Variants in SCML4 observed in about 807,000 individuals in gnomAD.
The protein encoded by SCML4 is sex comb on midleg-like protein 4.
In SCML4, 34 loss-of-function variants were observed where a neutral mutation model predicts 41.1. The observed-to-expected ratio is 0.83, with a 90% CI of 0.63 to 1.10. The LOEUF is 1.10. Among genes scored for constraint, SCML4 ranks in the 50% least tolerant of loss-of-function variants. The probability of loss-of-function intolerance (pLI) is 0.00; values close to 1 mark genes in which losing one functional copy is unlikely to be tolerated. For synonymous variants in SCML4, 214 were observed against 220.9 expected, an observed-to-expected ratio of 0.97 and a Z score of 0.28; for missense variants, 522 against 534.1, an observed-to-expected ratio of 0.98 and a Z score of 0.22.
intron 1 of SCML4, among the ~76,000 whole-genome samples, chr6:107,776,260 G>A (rs9486688): frequency 0.011 from 1,691 of 152,224 alleles, 35 homozygotes; most frequent in African/African-American, 0.039. Flanking sequence ...ACAACAAAAG[G>A]TTAATACAAA....
At chr6:107,844,660 G>A in the SCML4 span, among the ~76,000 whole-genome samples, 1 of 151,938 alleles carries the variant, frequency 6.6e-6, no homozygotes, top group Non-Finnish European at 1.5e-5. Flanking sequence ...TAGTCCCAGT[G>A]GGGAAGGGGT....
intron 1 of SCML4, among the ~76,000 whole-genome samples, chr6:107,777,005 A>G (rs1781007103): frequency 6.6e-6 from 1 of 152,240 alleles, no homozygotes; most frequent in Admixed American, 6.5e-5. Flanking sequence ...TTAAGCATAA[A>G]AAGGTCTGGG....
At chr6:107,721,762 C>T (rs577874608) in intron 5 of SCML4, among the ~76,000 whole-genome samples, 1 of 152,238 alleles carries the variant, frequency 6.6e-6, no homozygotes, top group East Asian at 1.9e-4. Context: ...AGTGCTTTCT[C>T]CCCACACCTT....
chr6:107,737,409 T>C (rs1777180523), intron 5 of SCML4, among the ~76,000 whole-genome samples: 1 of 152,180 alleles, frequency 6.6e-6, no homozygotes, highest in Non-Finnish European at 1.5e-5. Flanking sequence ...CTTTCTCCCC[T>C]GGATTTATAC....
intron 5 of SCML4, among the ~76,000 whole-genome samples, chr6:107,722,258 T>C (rs1775506370): frequency 6.6e-6 from 1 of 152,192 alleles, no homozygotes; most frequent in South Asian, 2.1e-4. Context: ...ATTACAGTCC[T>C]ATACTTTTAA....
intron 5 of SCML4, among the ~76,000 whole-genome samples, chr6:107,725,701 G>A (rs1439886082): frequency 1.3e-5 from 2 of 152,102 alleles, no homozygotes; most frequent in Non-Finnish European, 2.9e-5. Flanking sequence ...TGTGACCTTG[G>A]ATTTGGCAAA....
chr6:107,737,002 T>A (rs994545646), intron 5 of SCML4, among the ~76,000 whole-genome samples: 10 of 152,260 alleles, frequency 6.6e-5, no homozygotes, highest in African/African-American at 2.2e-4. Context: ...AAATTAGATC[T>A]TGCAGAATAG....
At chr6:107,720,103 C>T in intron 6 of SCML4, 1 of 985,368 alleles carries the variant, frequency 1.0e-6, no homozygotes, top group Middle Eastern at 5.2e-4. Flanking sequence ...GAAGGTGACA[C>T]TTCCTATGCA....
intron 5 of SCML4, among the ~76,000 whole-genome samples, chr6:107,731,303 A>T (rs927235532): frequency 6.6e-6 from 1 of 152,220 alleles, no homozygotes; most frequent in Non-Finnish European, 1.5e-5. Context: ...TTTTATTTTT[A>T]AAAACTAAAC....
At chr6:107,706,946 AC>A (rs1223740873) in intron 7 of SCML4, among the ~76,000 whole-genome samples, 1 of 152,170 alleles carries the variant, frequency 6.6e-6, no homozygotes, top group Non-Finnish European at 1.5e-5. Flanking sequence ...GCCCACTGAG[AC>A]CCATGCCAGG....
chr6:107,831,410 T>TC, the SCML4 span, among the ~76,000 whole-genome samples: 3,217 of 15,206 alleles, frequency 0.21, 132 homozygotes, highest in East Asian at 0.47. Flanking sequence ...ATTTTCATTC[T>TC]CAAAAAAAAA....
chr6:107,760,241 C>T (rs1480337611), intron 2 of SCML4, among the ~76,000 whole-genome samples: 1 of 152,076 alleles, frequency 6.6e-6, no homozygotes, highest in Non-Finnish European at 1.5e-5. Flanking sequence ...GAAACTACTA[C>T]AAATAATGAA....
chr6:107,764,548 G>C (rs1779878176), intron 2 of SCML4, among the ~76,000 whole-genome samples: 2 of 152,092 alleles, frequency 1.3e-5, no homozygotes, highest in Non-Finnish European at 2.9e-5. Flanking sequence ...GATGAGGTGG[G>C]GAGGGCTCCT....
At chr6:107,841,558 C>A in the SCML4 span, among the ~76,000 whole-genome samples, 1 of 152,172 alleles carries the variant, frequency 6.6e-6, no homozygotes, top group Non-Finnish European at 1.5e-5. Flanking sequence ...AGTAATCTGG[C>A]AGATTACTTA....
chr6:107,707,833 T>TC (rs752127648), intron 7 of SCML4, 33 bp downstream of exon 7: 30 of 1,549,630 alleles, frequency 1.9e-5, no homozygotes, highest in African/African-American at 4.1e-5. Context: ...GCTCCCTCAA[T>TC]CCCCCCCAAG....
intron 1 of SCML4, among the ~76,000 whole-genome samples, chr6:107,796,098 T>C (rs1055478695): frequency 6.6e-6 from 1 of 152,110 alleles, no homozygotes; most frequent in African/African-American, 2.4e-5. Flanking sequence ...TCCTATTGTT[T>C]CCAGTTTTAA....
At chr6:107,772,129 C>T in intron 2 of SCML4, 43 bp downstream of exon 2, 2 of 1,515,956 alleles carry the variant, frequency 1.3e-6, no homozygotes, top group South Asian at 1.3e-5. Context: ...TACCCGTGCC[C>T]CAGCCCAATA....
At chr6:107,719,844 T>C in intron 6 of SCML4, 2 of 963,200 alleles carry the variant, frequency 2.1e-6, no homozygotes, top group Non-Finnish European at 2.5e-6. Context: ...TGTCTGGCTC[T>C]AGTCCCAGTG....
intron 1 of SCML4, among the ~76,000 whole-genome samples, chr6:107,803,243 T>A (rs9386664): frequency 2.2e-4 from 2 of 9,178 alleles, no homozygotes; most frequent in Non-Finnish European, 4.5e-4. Flanking sequence ...CCGGCCGCCC[T>A]GTCTGAGAAG....
Sources: allele counts gnomAD v4.1 joint callset (sites outside exome capture counted in the v4.1 genomes callset), GRCh38; gene constraint gnomAD v4.1.1; transcripts MANE v1.5; gene names NCBI Gene and HGNC (gene_info 2026-07-23, HGNC 2026-07-21).